The following NINL variants were observed in gnomAD, a reference collection of about 807,000 sequenced individuals.
NINL encodes the protein ninein like.
A neutral mutation model predicts 160.3 loss-of-function variants in NINL; 153 were observed. The observed-to-expected ratio is 0.95, with a 90% CI of 0.84 to 1.09. The LOEUF (loss-of-function observed/expected upper bound fraction) is 1.09, where lower values mean the gene tolerates loss of function less well. Among genes scored for constraint, NINL ranks in the 50% least tolerant of loss-of-function variants. NINL has a pLI of 0.00. For synonymous variants in NINL, 800 were observed against 734.8 expected, an observed-to-expected ratio of 1.09 and a Z score of -1.43; for missense variants, 1,829 against 1,764.0, an observed-to-expected ratio of 1.04 and a Z score of -0.66.
At chr20:25,484,339 A>AC (rs1369800857) in intron 13 of NINL, among the ~76,000 whole-genome samples, 1 of 151,932 alleles carries the variant, frequency 6.6e-6, no homozygotes, top group Non-Finnish European at 1.5e-5. Context: ...AGACACAGCG[A>AC]CCCCTAGGAG....
intron 19 of NINL, among the ~76,000 whole-genome samples, chr20:25,465,857 A>C (rs1446293246): frequency 6.6e-6 from 1 of 152,140 alleles, no homozygotes; most frequent in Non-Finnish European, 1.5e-5. Flanking sequence ...TTAATAACTG[A>C]AAAAATGAGA....
chr20:25,478,074 G>A (rs1388061163), intron 16 of NINL, among the ~76,000 whole-genome samples: 2 of 151,672 alleles, frequency 1.3e-5, no homozygotes, highest in Non-Finnish European at 2.9e-5. Flanking sequence ...TCAGCTTCCC[G>A]AGTAGCTGGG....
intron 1 of NINL, among the ~76,000 whole-genome samples, chr20:25,583,729 G>C (rs2065198262): frequency 6.6e-6 from 1 of 152,172 alleles, no homozygotes; most frequent in African/African-American, 2.4e-5. Flanking sequence ...CAACCCAAAT[G>C]CCCATCACGG....
chr20:25,570,328 C>T (rs1005605518), intron 1 of NINL, among the ~76,000 whole-genome samples: 2 of 152,092 alleles, frequency 1.3e-5, no homozygotes, highest in African/African-American at 2.4e-5. Flanking sequence ...ATTGTGGGGG[C>T]GGTTTCTCAT....
intron 1 of NINL, among the ~76,000 whole-genome samples, chr20:25,551,944 A>C (rs904922428): frequency 6.6e-6 from 1 of 152,244 alleles, no homozygotes; most frequent in Non-Finnish European, 1.5e-5. Flanking sequence ...TTTAGGGGCT[A>C]GCAAGGGATG....
At chr20:25,547,769 G>A (rs1451277355) in intron 1 of NINL, among the ~76,000 whole-genome samples, 1 of 152,142 alleles carries the variant, frequency 6.6e-6, no homozygotes, top group South Asian at 2.1e-4. Context: ...TTCAACATCC[G>A]AATTCTGGGG....
At chr20:25,547,326 G>C (rs2147079787) in intron 1 of NINL, among the ~76,000 whole-genome samples, 1 of 152,186 alleles carries the variant, frequency 6.6e-6, no homozygotes, top group South Asian at 2.1e-4. Context: ...CCACATTCTT[G>C]GTCACAGCTT....
chr20:25,457,453 A>AAAT (rs2090716298), intron 22 of NINL, among the ~76,000 whole-genome samples: 1 of 152,222 alleles, frequency 6.6e-6, no homozygotes, highest in Admixed American at 6.5e-5. Flanking sequence ...TTTTAACCAT[A>AAAT]AATAACTCCA....
intron 1 of NINL, among the ~76,000 whole-genome samples, chr20:25,533,988 T>C (rs957035384): frequency 2.0e-5 from 3 of 152,180 alleles, no homozygotes; most frequent in Non-Finnish European, 4.4e-5. Context: ...TACATCAAAC[T>C]TGAAAACTTG....
chr20:25,494,462 T>C (rs572386031), intron 10 of NINL, among the ~76,000 whole-genome samples: 5 of 151,010 alleles, frequency 3.3e-5, no homozygotes, highest in South Asian at 4.2e-4. Context: ...AGCACCCTCA[T>C]TGCATCCCAC....
chr20:25,469,926 AT>A, intron 18 of NINL, 64 bp downstream of exon 18: 4 of 1,073,284 alleles, frequency 3.7e-6, no homozygotes, highest in Non-Finnish European at 4.4e-6. Context: ...TGGAGACTGC[AT>A]AAGGTCACTC....
At chr20:25,473,675 T>TACATACAC (rs1555846551) in intron 17 of NINL, among the ~76,000 whole-genome samples, 2 of 137,904 alleles carry the variant, frequency 1.5e-5, no homozygotes, top group Non-Finnish European at 3.1e-5. Context: ...AATACACACA[T>TACATACAC]ACACACACAC....
chr20:25,465,581 C>T (rs1221408071), intron 19 of NINL, among the ~76,000 whole-genome samples: 1 of 152,070 alleles, frequency 6.6e-6, no homozygotes, highest in Non-Finnish European at 1.5e-5. Context: ...AGAAGGGGTC[C>T]CCGACGACTC....
chr20:25,547,603 T>C (rs776877933), intron 1 of NINL, among the ~76,000 whole-genome samples: 61 of 152,150 alleles, frequency 4.0e-4, no homozygotes, highest in South Asian at 2.1e-4. Flanking sequence ...CTGAAGAGAA[T>C]TGGAGAATTA....
intron 12 of NINL, 58 bp downstream of exon 12, chr20:25,489,817 C>G: frequency 1.7e-5 from 25 of 1,467,250 alleles, no homozygotes; most frequent in Non-Finnish European, 2.1e-5. Context: ...CCCCGCCACC[C>G]CCACTCTGCC....
intron 1 of NINL, among the ~76,000 whole-genome samples, chr20:25,551,088 T>C (rs1193065075): frequency 2.6e-5 from 4 of 152,232 alleles, no homozygotes; most frequent in Admixed American, 2.6e-4. Context: ...GCAATGACTT[T>C]TACCAAGCAT....
intron 6 of NINL, among the ~76,000 whole-genome samples, chr20:25,504,376 T>G (rs1038731333): frequency 6.6e-6 from 1 of 152,194 alleles, no homozygotes; most frequent in Non-Finnish European, 1.5e-5. Flanking sequence ...GCTTATTCAG[T>G]GTCTGCTGGG....
At chr20:25,563,301 A>G (rs562711332) in intron 1 of NINL, among the ~76,000 whole-genome samples, 11 of 152,370 alleles carry the variant, frequency 7.2e-5, no homozygotes, top group African/African-American at 2.6e-4. Flanking sequence ...AGGAACTTGC[A>G]TGGCAATATG....
chr20:25,580,195 G>A lies in NINL; in HGVS notation c.-12+5260C>T, dbSNP rs141935835. Among the ~76,000 whole-genome samples, 551 of 152,164 alleles carry A rather than the reference G, an allele frequency of 3.6e-3. 6 individuals carry two copies. Among genetic ancestry groups the A allele is most frequent in the Non-Finnish European group, 5.1e-3 (349 of 68,006 alleles). Reference sequence around the variant, plus strand: ...TAAAAAATACAAAAATTAGTTGGGCGTGGAGGTGGACACCTATAATCCCAG... The same window carrying A: ...TAAAAAATACAAAAATTAGTTGGGCATGGAGGTGGACACCTATAATCCCAG... On this transcript the variant is annotated intron_variant, in intron 1 of 23. Transcript: ENST00000278886.
Sources: allele counts gnomAD v4.1 joint callset (sites outside exome capture counted in the v4.1 genomes callset), GRCh38; gene constraint gnomAD v4.1.1; transcripts MANE v1.5; gene names NCBI Gene and HGNC (gene_info 2026-07-23, HGNC 2026-07-21).